The following TTC39B variants were observed in gnomAD, a reference collection of about 807,000 sequenced individuals.
TTC39B encodes the protein tetratricopeptide repeat domain 39B.
A neutral mutation model predicts 96.6 loss-of-function variants in TTC39B; 92 were observed. The observed-to-expected ratio is 0.95, with a 90% CI of 0.80 to 1.13. The LOEUF (loss-of-function observed/expected upper bound fraction) is 1.13. Ranked by LOEUF, TTC39B falls within the 50% of genes most tolerant of loss-of-function variation. The pLI is 0.00. For synonymous variants in TTC39B, 367 were observed against 299.4 expected (o/e 1.23, Z -2.33); for missense variants, 955 against 809.3 (o/e 1.18, Z -2.18).
chr9:15,283,390 G>C (rs1469609681), intron 1 of TTC39B, among the ~76,000 whole-genome samples: 1 of 152,154 alleles, frequency 6.6e-6, no homozygotes, highest in African/African-American at 2.4e-5. Flanking sequence ...CCAAGCATTA[G>C]CTTTTGCACC....
chr9:15,182,297 G>A lies in TTC39B; in HGVS notation c.1723+10C>T. On this transcript the variant is annotated intron_variant, in intron 17 of 19. Transcript: ENST00000512701. ...ACAAAGGCTCCTCGGTGCTTACTGTGTATACTTACTTTGACTTTGTAAAGC... is the reference window on the plus strand; with the variant it reads ...ACAAAGGCTCCTCGGTGCTTACTGTATATACTTACTTTGACTTTGTAAAGC... 1 of 1,581,650 alleles carries A rather than the reference G, an allele frequency of 6.3e-7. No individual in the cohort carries two copies.
intron 3 of TTC39B, among the ~76,000 whole-genome samples, chr9:15,218,730 T>C (rs1820675791): frequency 6.6e-6 from 1 of 152,044 alleles, no homozygotes; most frequent in East Asian, 1.9e-4. Context: ...GTAATTACTT[T>C]ATAAGCTTGG....
chr9:15,250,592 A>G (rs1822490576), intron 2 of TTC39B, among the ~76,000 whole-genome samples: 1 of 151,692 alleles, frequency 6.6e-6, no homozygotes, highest in Non-Finnish European at 1.5e-5. Context: ...AATTAAACAC[A>G]TATATGACAT....
At chr9:15,198,457 C>CA (rs767835557) in intron 8 of TTC39B, among the ~76,000 whole-genome samples, 7 of 71,214 alleles carry the variant, frequency 9.8e-5, no homozygotes, top group East Asian at 5.2e-4. Context: ...GTCTCGGTCG[C>CA]AAAAATATAT....
At chr9:15,278,088 T>C (rs984150710) in intron 1 of TTC39B, among the ~76,000 whole-genome samples, 1 of 149,968 alleles carries the variant, frequency 6.7e-6, no homozygotes, top group Non-Finnish European at 1.5e-5. Context: ...AAAAGGTTAA[T>C]TAATTATCGG....
At chr9:15,233,826 G>A (rs1821589325) in intron 2 of TTC39B, among the ~76,000 whole-genome samples, 1 of 151,454 alleles carries the variant, frequency 6.6e-6, no homozygotes, top group South Asian at 2.1e-4. Flanking sequence ...CATCCTCTGG[G>A]ATGTGAGGAG....
chr9:15,196,257 G>A (rs1046208306), intron 8 of TTC39B, among the ~76,000 whole-genome samples: 5 of 152,226 alleles, frequency 3.3e-5, no homozygotes, highest in Non-Finnish European at 2.9e-5. Flanking sequence ...GGATCAAGAA[G>A]TAATTTTGAC....
chr9:15,248,075 T>A (rs968072646), intron 2 of TTC39B, among the ~76,000 whole-genome samples: 1 of 152,190 alleles, frequency 6.6e-6, no homozygotes, highest in Non-Finnish European at 1.5e-5. Context: ...AGATTTTTTT[T>A]AAAAGCCAAA....
chr9:15,293,948 C>G (rs6474902), intron 1 of TTC39B, among the ~76,000 whole-genome samples: 4 of 152,076 alleles, frequency 2.6e-5, no homozygotes, highest in South Asian at 2.1e-4. Context: ...TTTCCTTTCT[C>G]TGTCCATAAA....
At chr9:15,228,045 T>G (rs1821221055) in intron 2 of TTC39B, among the ~76,000 whole-genome samples, 2 of 152,190 alleles carry the variant, frequency 1.3e-5, no homozygotes, top group Admixed American at 6.5e-5. Context: ...TCTTTTGCCA[T>G]GTTTCCCAAG....
At chr9:15,198,185 G>A (rs979196853) in intron 8 of TTC39B, among the ~76,000 whole-genome samples, 4 of 152,098 alleles carry the variant, frequency 2.6e-5, no homozygotes, top group African/African-American at 4.8e-5. Context: ...AGGGCCAGGC[G>A]CAGTGGCTCA....
chr9:15,292,828 T>C (rs567679828), intron 1 of TTC39B, among the ~76,000 whole-genome samples: 6 of 152,354 alleles, frequency 3.9e-5, no homozygotes, highest in African/African-American at 1.4e-4. Context: ...TTAAGCTAAG[T>C]GTTATTGTAA....
chr9:15,287,945 CAAAAAAAA>C (rs762069142), intron 1 of TTC39B, among the ~76,000 whole-genome samples: 2 of 68,974 alleles, frequency 2.9e-5, no homozygotes, highest in African/African-American at 5.9e-5. Context: ...GACTCCATCT[CAAAAAAAA>C]AAAAAAAAAA....
chr9:15,171,845 G>T (rs1281580959), exon 20 of TTC39B: 4 of 428,910 alleles, frequency 9.3e-6, no homozygotes, highest in Non-Finnish European at 1.6e-5. Context: ...CCATTCCATA[G>T]GAAAAAAAAT....
At chr9:15,185,320 G>A (rs776073289) in exon 16 of TTC39B, 47 of 1,613,646 alleles carry the variant, frequency 2.9e-5, no homozygotes, top group Non-Finnish European at 3.9e-5. Context: ...AGGTAAGGAG[G>A]CGGAGTAACG....
At chr9:15,193,522 C>A (rs184254884) in intron 8 of TTC39B, among the ~76,000 whole-genome samples, 1 of 152,272 alleles carries the variant, frequency 6.6e-6, no homozygotes, top group East Asian at 1.9e-4. Flanking sequence ...ATCTAGCAAG[C>A]CTATAGACCT....
At chr9:15,271,992 T>C (rs1219723440) in intron 1 of TTC39B, among the ~76,000 whole-genome samples, 1 of 152,234 alleles carries the variant, frequency 6.6e-6, no homozygotes, top group East Asian at 1.9e-4. Flanking sequence ...AAAAGTGATG[T>C]GGGGTCCACG....
At chr9:15,241,914 T>A (rs1242076942) in intron 2 of TTC39B, among the ~76,000 whole-genome samples, 1 of 151,842 alleles carries the variant, frequency 6.6e-6, no homozygotes, top group Non-Finnish European at 1.5e-5. Context: ...CCTGGCTAAT[T>A]TTTGTATTTT....
chr9:15,187,143 T>C (rs1387324566), intron 14 of TTC39B, 108 bp from the exon 15 acceptor site: 11 of 746,022 alleles, frequency 1.5e-5, no homozygotes, highest in Non-Finnish European at 2.1e-5. Context: ...ATTAGAGGCA[T>C]TAAAGAAATC....
Sources: allele counts gnomAD v4.1 joint callset (sites outside exome capture counted in the v4.1 genomes callset), GRCh38; gene constraint gnomAD v4.1.1; transcripts MANE v1.5; gene names NCBI Gene and HGNC (gene_info 2026-07-23, HGNC 2026-07-21).